Variants in MAGI3 observed in about 807,000 individuals in gnomAD.
The protein encoded by MAGI3 is membrane-associated guanylate kinase, WW and PDZ domain-containing protein 3.
A neutral mutation model predicts 121.8 loss-of-function variants in MAGI3; 43 were observed. The ratio of observed to expected loss-of-function variants is 0.35; its 90% CI spans 0.28 to 0.46. The LOEUF is 0.46. Among genes scored for constraint, MAGI3 ranks in the 20% least tolerant of loss-of-function variants. The probability of loss-of-function intolerance (pLI) is 1.00; values close to 1 mark genes in which losing one functional copy is unlikely to be tolerated. For missense variants in MAGI3, 1,547 were observed against 1,797.3 expected, an observed-to-expected ratio of 0.86 and a Z score of 2.52; for synonymous variants, 553 against 639.3, an observed-to-expected ratio of 0.86 and a Z score of 2.04.
At chr1:113,599,632 T>C (rs1043172770) in intron 6 of MAGI3, among the ~76,000 whole-genome samples, 1 of 151,386 alleles carries the variant, frequency 6.6e-6, no homozygotes, top group Non-Finnish European at 1.5e-5. Context: ...AGCCGAATTC[T>C]ACCAGAGGTA....
At chr1:113,559,771 A>G (rs1307486599) in intron 2 of MAGI3, among the ~76,000 whole-genome samples, 5 of 152,058 alleles carry the variant, frequency 3.3e-5, no homozygotes, top group Non-Finnish European at 5.9e-5. Flanking sequence ...GAGTTTCACC[A>G]TGTTGGCTGG....
At chr1:113,672,806 A>G (rs1056570735) in intron 18 of MAGI3, 65 bp downstream of exon 18, 2 of 1,531,230 alleles carry the variant, frequency 1.3e-6, no homozygotes, top group African/African-American at 1.4e-5. Context: ...GCATTGGTGA[A>G]TTTTTATTGC....
At chr1:113,614,517 A>C (rs758889333) in intron 6 of MAGI3, 84 bp from the exon 7 acceptor site, 49 of 1,027,360 alleles carry the variant, frequency 4.8e-5, no homozygotes, top group Non-Finnish European at 6.7e-5. Context: ...ATATTAGTAT[A>C]ATGAAATAAT....
chr1:113,579,779 G>A (rs576975177), intron 2 of MAGI3, among the ~76,000 whole-genome samples: 13 of 152,230 alleles, frequency 8.5e-5, no homozygotes, highest in African/African-American at 3.1e-4. Context: ...AGCCCAAGAC[G>A]ACTGACTCTC....
chr1:113,585,437 C>G lies in MAGI3; in HGVS notation c.604C>G (p.Pro202Ala). 6.2e-7 allele frequency: 1 copy of G among 1,614,084 alleles called. No individual in the cohort carries two copies. The highest frequency in any genetic ancestry group is 1.1e-5 in the South Asian group (1 of 91,080). The change falls in exon 4 of 21, where the codon CCA (proline) becomes GCA (alanine). Residue 202 changes from proline (P) to alanine (A), a missense_variant. Coordinates refer to ENST00000307546, the MANE Select transcript of MAGI3 (RefSeq NM_001142782.2). ...TCCAGCAGAACCCAGCCCTTTTCAG[C>G]CAGATCCAGTTGATCAAGTCCTCTT... ...KPPAEPSPFQ[P>A]DPVDQVLFDN...
At chr1:113,493,980 A>G (rs544840699) in intron 1 of MAGI3, among the ~76,000 whole-genome samples, 1 of 152,350 alleles carries the variant, frequency 6.6e-6, no homozygotes, top group Non-Finnish European at 1.5e-5. Flanking sequence ...TCAGAGACCT[A>G]AAAACAGAAA....
At chr1:113,535,299 T>TAAA (rs367941690) in intron 1 of MAGI3, among the ~76,000 whole-genome samples, 1 of 149,248 alleles carries the variant, frequency 6.7e-6, no homozygotes, top group Non-Finnish European at 1.5e-5. Context: ...GTTGTTCGCT[T>TAAA]AAAAAAAAAA....
chr1:113,601,177 A>G (rs1314903236), intron 6 of MAGI3, among the ~76,000 whole-genome samples: 1 of 151,832 alleles, frequency 6.6e-6, no homozygotes, highest in Non-Finnish European at 1.5e-5. Context: ...CTTCATGTCT[A>G]AAACACCAAA....
chr1:113,625,391 T>A (rs778511238), intron 9 of MAGI3, among the ~76,000 whole-genome samples: 4 of 152,222 alleles, frequency 2.6e-5, no homozygotes, highest in Admixed American at 6.5e-5. Flanking sequence ...CATTTTATAA[T>A]TTTTAATGCA....
At chr1:113,471,137 A>G (rs1655519352) in intron 1 of MAGI3, among the ~76,000 whole-genome samples, 1 of 152,232 alleles carries the variant, frequency 6.6e-6, no homozygotes, top group Non-Finnish European at 1.5e-5. Flanking sequence ...GACCTACCAG[A>G]TATATAAATA....
rs570871105 is a variant in MAGI3 at position 113,415,780 on chromosome 1, A to G, written c.316+24431A>G. 5.9e-5 allele frequency among the ~76,000 whole-genome samples: 9 copies of G among 152,038 alleles called. No homozygotes were observed. The South Asian group carries it at 1.9e-3, about 31-fold the overall frequency. On this transcript the variant is annotated intron_variant, in intron 1 of 20. Coordinates refer to ENST00000307546, the MANE Select transcript of MAGI3 (RefSeq NM_001142782.2). ...GCTTTGTACTTCTTTTTAAGCTTCA[A>G]AAGTTTTAGTATGTTATCTCCTTAC...
At chr1:113,594,055 AT>A (rs1201604001) in intron 5 of MAGI3, among the ~76,000 whole-genome samples, 1 of 152,228 alleles carries the variant, frequency 6.6e-6, no homozygotes, top group Non-Finnish European at 1.5e-5. Context: ...GTACCTACGT[AT>A]CACAGGCACA....
intron 18 of MAGI3, 90 bp from the exon 19 acceptor site, chr1:113,673,232 C>A: frequency 7.0e-7 from 1 of 1,429,476 alleles, no homozygotes; most frequent in Non-Finnish European, 9.6e-7. Flanking sequence ...GAGTATAAAT[C>A]ATTTCTTCCA....
At chr1:113,506,928 C>T (rs892176380) in intron 1 of MAGI3, among the ~76,000 whole-genome samples, 5 of 152,118 alleles carry the variant, frequency 3.3e-5, no homozygotes, top group Non-Finnish European at 4.4e-5. Flanking sequence ...TTGGGCAGGC[C>T]TAGGTTGTAA....
In MAGI3 at chr1:113,683,239, C is replaced by T. The variant is rs1161442281; in HGVS notation, c.3671C>T (p.Pro1224Leu). Residue 1224 changes from proline (P) to leucine (L), a missense_variant, in exon 21 of 21, where the codon CCC (proline) becomes CTC (leucine). By Grantham distance (98) the Pro-to-Leu change is moderately conservative (BLOSUM62 -3). Transcript: ENST00000307546. ...ACACGAAGAGGTAGATCGGTTAGTC[C>T]CAAAAAGCCAGCCAGTCAACATTCA... is the stretch of plus-strand genomic sequence containing the variant. ...GVTRRGRSVS[P>L]KKPASQHSEE... 6.2e-7 allele frequency: 1 copy of T among 1,613,064 alleles called. No homozygotes were observed. Among genetic ancestry groups the T allele is most frequent in the East Asian group, 2.2e-5 (1 of 44,876 alleles).
intron 19 of MAGI3, among the ~76,000 whole-genome samples, chr1:113,675,135 G>C (rs947641632): frequency 6.6e-6 from 1 of 152,186 alleles, no homozygotes; most frequent in Non-Finnish European, 1.5e-5. Flanking sequence ...TTTTAGCCAG[G>C]AGTTTCCCCT....
intron 13 of MAGI3, among the ~76,000 whole-genome samples, chr1:113,650,570 G>A (rs1010462323): frequency 6.6e-6 from 1 of 152,190 alleles, no homozygotes; most frequent in Non-Finnish European, 1.5e-5. Flanking sequence ...TATTGAACTT[G>A]TACCGTTAGT....
At chr1:113,675,082 C>T (rs1179787036) in intron 19 of MAGI3, among the ~76,000 whole-genome samples, 1 of 152,138 alleles carries the variant, frequency 6.6e-6, no homozygotes, top group Admixed American at 6.5e-5. Flanking sequence ...GCCGATGGGT[C>T]GCAGGCATAA....
intron 1 of MAGI3, among the ~76,000 whole-genome samples, chr1:113,467,082 T>C (rs776347033): frequency 2.0e-5 from 3 of 152,132 alleles, no homozygotes; most frequent in Non-Finnish European, 2.9e-5. Flanking sequence ...TGTTTATTGC[T>C]ATAAACTTCC....
Sources: allele counts gnomAD v4.1 joint callset (sites outside exome capture counted in the v4.1 genomes callset), GRCh38; gene constraint gnomAD v4.1.1; transcripts MANE v1.5; gene names NCBI Gene and HGNC (gene_info 2026-07-23, HGNC 2026-07-21).